Variants in BACH2 observed in about 807,000 individuals in gnomAD.
BACH2 encodes BACH transcriptional regulator 2.
A neutral mutation model predicts 61.8 loss-of-function variants in BACH2; 5 were observed. The ratio of observed to expected loss-of-function variants is 0.08; its 90% CI spans 0.04 to 0.17. The LOEUF (loss-of-function observed/expected upper bound fraction) is 0.17, where lower values mean the gene tolerates loss of function less well. Among genes scored for constraint, BACH2 ranks in the 10% least tolerant of loss-of-function variants. The pLI is 1.00. For missense variants in BACH2, 824 were observed against 1,091.1 expected, an observed-to-expected ratio of 0.76 and a Z score of 3.45; for synonymous variants, 446 against 440.1, an observed-to-expected ratio of 1.01 and a Z score of -0.17.
intron 3 of BACH2, among the ~76,000 whole-genome samples, chr6:90,249,181 G>A (rs1205851826): frequency 1.3e-5 from 2 of 152,166 alleles, no homozygotes; most frequent in East Asian, 3.9e-4. Context: ...TTTGGAAGAT[G>A]AGTGACTGTC....
Position 90,008,475 on chromosome 6 carries a change from CAT to C in BACH2, c.243+125_243+126del. 1 of 1,168,442 alleles carries C rather than the reference CAT, an allele frequency of 8.6e-7. No homozygotes were observed. Among genetic ancestry groups the C allele is most frequent in the Admixed American group, 2.0e-5 (1 of 49,968 alleles). The allele number at this position is 1,168,442 out of a possible 1,614,324, so 72.4% of individuals were successfully genotyped here. On this transcript the variant is annotated intron_variant, in intron 6 of 8. Coordinates refer to ENST00000257749, the MANE Select transcript of BACH2 (RefSeq NM_021813.4). This position sits in a 1 kb window ranked among gnomAD's most constrained non-coding sequence, Gnocchi z 4.1. Reference sequence around the variant, plus strand: ...GAAACTGACTATGCCACAGACCTAACATGTGACTTGGACATCAACTCCTGAGT... The same window carrying C: ...GAAACTGACTATGCCACAGACCTAACGTGACTTGGACATCAACTCCTGAGT...
chr6:90,081,128 T>G (rs759294029), intron 5 of BACH2, among the ~76,000 whole-genome samples: 28 of 152,152 alleles, frequency 1.8e-4, no homozygotes, highest in Non-Finnish European at 3.7e-4. Flanking sequence ...AGAAAGTTAA[T>G]CTCAATGTCA....
intron 4 of BACH2, among the ~76,000 whole-genome samples, chr6:90,157,325 T>G (rs1258514355): frequency 6.6e-6 from 1 of 152,144 alleles, no homozygotes; most frequent in Non-Finnish European, 1.5e-5. Context: ...GAGAAAACAA[T>G]TACAAAGGAA....
chr6:90,274,644 G>T (rs1582557027), intron 1 of BACH2, among the ~76,000 whole-genome samples: 1 of 152,186 alleles, frequency 6.6e-6, no homozygotes, highest in Non-Finnish European at 1.5e-5. Flanking sequence ...CTGCATCTTT[G>T]CAGCCACAAA....
chr6:90,040,104 T>TA (rs925275807), intron 5 of BACH2, among the ~76,000 whole-genome samples: 1 of 152,232 alleles, frequency 6.6e-6, no homozygotes, highest in African/African-American at 2.4e-5. Context: ...GAATTCATTT[T>TA]ATGACTTTCC....
chr6:90,145,326 G>A (rs1562472475), intron 4 of BACH2, among the ~76,000 whole-genome samples: 1 of 152,188 alleles, frequency 6.6e-6, no homozygotes, highest in African/African-American at 2.4e-5. Context: ...ATTAAGTGCT[G>A]AAACACAGAC....
chr6:90,064,768 C>T (rs887988238), intron 5 of BACH2, among the ~76,000 whole-genome samples: 1 of 152,220 alleles, frequency 6.6e-6, no homozygotes, highest in Non-Finnish European at 1.5e-5. Flanking sequence ...AAAGGATGCA[C>T]TGAATTGATG....
chr6:90,240,763 T>C (rs1379916998), intron 3 of BACH2, among the ~76,000 whole-genome samples: 1 of 152,178 alleles, frequency 6.6e-6, no homozygotes, highest in Non-Finnish European at 1.5e-5. Flanking sequence ...AGGGACCAAA[T>C]TCCTATCTCT....
chr6:90,140,823 C>T (rs1784434318), intron 4 of BACH2, among the ~76,000 whole-genome samples: 1 of 152,134 alleles, frequency 6.6e-6, no homozygotes, highest in Non-Finnish European at 1.5e-5. Flanking sequence ...GAAAGTATTC[C>T]TGGTTGGTGC....
At chr6:90,263,234 A>T (rs1294547284) in intron 2 of BACH2, among the ~76,000 whole-genome samples, 1 of 152,194 alleles carries the variant, frequency 6.6e-6, no homozygotes, top group African/African-American at 2.4e-5. Context: ...TTCATGAAAA[A>T]TCATGGGTCA....
chr6:90,071,425 C>G (rs527892621), intron 5 of BACH2, among the ~76,000 whole-genome samples: 2 of 152,192 alleles, frequency 1.3e-5, no homozygotes, highest in South Asian at 2.1e-4. Flanking sequence ...AACAAAGAAG[C>G]CTTCTTGGAG....
At chr6:90,152,059 G>T (rs757617000) in intron 4 of BACH2, among the ~76,000 whole-genome samples, 103 of 152,274 alleles carry the variant, frequency 6.8e-4, no homozygotes, top group Non-Finnish European at 8.8e-4. Context: ...TATTTTCTCT[G>T]CAGCAATAAA....
rs2127887082 is a variant in BACH2 at position 90,281,890 on chromosome 6, TC to T, written c.-445-9950del. 1.3e-5 allele frequency among the ~76,000 whole-genome samples: 2 copies of T among 152,244 alleles called. 1 individual carries two copies. Among genetic ancestry groups the T allele is most frequent in the African/African-American group, 4.8e-5 (2 of 41,558 alleles). On this transcript the variant is annotated intron_variant, in intron 1 of 8. Coordinates refer to ENST00000257749, the MANE Select transcript of BACH2 (RefSeq NM_021813.4). ...TGAGAAAACTAAGGTACACTGAAGT[TC>T]AGAAATTCATCCAAGGTCACACAAT...
chr6:89,974,805 C>A (rs894427475), intron 6 of BACH2, among the ~76,000 whole-genome samples: 9 of 152,194 alleles, frequency 5.9e-5, no homozygotes, highest in African/African-American at 2.2e-4. Flanking sequence ...ATTGCATACC[C>A]ATAAATACAA....
intron 5 of BACH2, among the ~76,000 whole-genome samples, chr6:90,013,127 G>A (rs1453238912): frequency 6.6e-6 from 1 of 152,018 alleles, no homozygotes; most frequent in Admixed American, 6.5e-5. Context: ...TCTTGTATCT[G>A]GAAACCTTGC....
chr6:90,057,349 A>G (rs1399967572), intron 5 of BACH2, among the ~76,000 whole-genome samples: 1 of 152,248 alleles, frequency 6.6e-6, no homozygotes, highest in African/African-American at 2.4e-5. Flanking sequence ...AAACACCTCT[A>G]CGCAAATAAA....
chr6:90,290,538 G>A (rs796737230), intron 1 of BACH2, among the ~76,000 whole-genome samples: 1 of 152,194 alleles, frequency 6.6e-6, no homozygotes. Flanking sequence ...CTATCCACGA[G>A]CTTCTGTTGC....
intron 5 of BACH2, among the ~76,000 whole-genome samples, chr6:90,087,727 G>T (rs143080569): frequency 8.7e-5 from 13 of 149,430 alleles, no homozygotes; most frequent in Middle Eastern, 3.5e-3. Context: ...CCATGTGTGT[G>T]TTTTTTTTTT....
At chr6:89,961,297 T>C (rs1774731692) in intron 6 of BACH2, among the ~76,000 whole-genome samples, 1 of 151,404 alleles carries the variant, frequency 6.6e-6, no homozygotes, top group South Asian at 2.1e-4. Flanking sequence ...TATGAAATAG[T>C]AGTAATGTTT....
Sources: allele counts gnomAD v4.1 joint callset (sites outside exome capture counted in the v4.1 genomes callset), GRCh38; gene constraint gnomAD v4.1.1; non-coding constraint Gnocchi (gnomAD v3.1); transcripts MANE v1.5; gene names NCBI Gene and HGNC (gene_info 2026-07-23, HGNC 2026-07-21).